CCND3: variants seen among roughly 807,000 people sequenced by gnomAD.
The protein encoded by CCND3 is G1/S-specific cyclin-D3.
Under a neutral mutation model 28.7 loss-of-function variants are expected in CCND3, and 9 were observed. The ratio of observed to expected loss-of-function variants is 0.31; its 90% confidence interval spans 0.19 to 0.55. CCND3 has a LOEUF of 0.55. Ranked by LOEUF, CCND3 falls within the 20% of genes least tolerant of loss-of-function variation. The pLI is 0.93. For synonymous variants in CCND3, 164 were observed against 163.9 expected, an observed-to-expected ratio of 1.00 and a Z score of 0.00; for missense variants, 315 against 385.8, an observed-to-expected ratio of 0.82 and a Z score of 1.54.
chr6:41,992,167 A>G (rs538438922), intron 1 of CCND3, among the ~76,000 whole-genome samples: 102 of 151,928 alleles, frequency 6.7e-4, no homozygotes, highest in Admixed American at 1.4e-3. Flanking sequence ...TGTTTTATTT[A>G]TTTTTTAATT....
At chr6:42,023,137 C>G (rs569738303) in intron 1 of CCND3, among the ~76,000 whole-genome samples, 1 of 152,312 alleles carries the variant, frequency 6.6e-6, no homozygotes, top group South Asian at 2.1e-4. Context: ...CATGCATGTT[C>G]CTGGCTGAGG....
chr6:41,999,110 G>A (rs1285042262), intron 1 of CCND3, among the ~76,000 whole-genome samples: 1 of 152,174 alleles, frequency 6.6e-6, no homozygotes. Context: ...GCTAGAAGTG[G>A]CCAACGTAGG....
intron 1 of CCND3, among the ~76,000 whole-genome samples, chr6:41,968,391 GA>G (rs1227608515): frequency 6.6e-6 from 1 of 152,040 alleles, no homozygotes; most frequent in African/African-American, 2.4e-5. Context: ...TAATTCTATG[GA>G]AAATATTACA....
At chr6:42,005,050 C>T (rs189182191) in intron 1 of CCND3, among the ~76,000 whole-genome samples, 160 of 152,136 alleles carry the variant, frequency 1.1e-3, no homozygotes, top group Non-Finnish European at 1.8e-3. Context: ...ACTCAGTCAG[C>T]GAGGTTAGTA....
rs1561948875 is a variant in CCND3, at chr6:41,936,037, G to A, written c.782C>T (p.Thr261Ile). ...LRESLREASQ[T>I]SSSPAPKAPR... ...GGCTTTGGGCGCTGGGCTGGAGCTG[G>A]TCTGAGAGGCTTCCCTGAGGCTCTC... The change falls in exon 5 of 5, where the codon ACC (threonine) becomes ATC (isoleucine). Residue 261 changes from threonine (T) to isoleucine (I), a missense_variant. Thr to Ile is a moderately conservative substitution (Grantham distance 89). Coordinates refer to ENST00000372991, the MANE Select transcript of CCND3 (RefSeq NM_001760.5). The surrounding 1 kb of genome is among the most constrained non-coding windows in gnomAD (Gnocchi z 4.4). 1 of 1,613,448 alleles carries A rather than the reference G, an allele frequency of 6.2e-7. No individual in the cohort carries two copies. Among genetic ancestry groups the A allele is most frequent in the Admixed American group, 1.7e-5 (1 of 59,960 alleles).
At chr6:41,947,229 A>AAAAAG (rs1172293136) in intron 1 of CCND3, among the ~76,000 whole-genome samples, 38 of 152,164 alleles carry the variant, frequency 2.5e-4, no homozygotes, top group Admixed American at 1.3e-3. Flanking sequence ...TCAAAAAAAA[A>AAAAAG]AAAAGAAAAG....
chr6:41,941,142 G>A lies in CCND3; in HGVS notation c.198+310C>T, dbSNP rs1776000113. 1.4e-6 allele frequency: 2 copies of A among 1,473,916 alleles called. No homozygotes were observed. The highest frequency in any genetic ancestry group is 2.4e-4 in the Middle Eastern group (1 of 4,134). 91.3% of individuals were successfully genotyped at this position (1,473,916 alleles called of 1,614,324 possible). A position where few individuals can be genotyped will look rare whatever the true frequency, so the allele number is the denominator to read the frequency against. ...CGCGCTCTCCGGAGAAGGCCGGGAG[G>A]CGGAGGGAAGCGGGAGACGCTGTGA... is the stretch of plus-strand genomic sequence containing the variant. On this transcript the variant is annotated intron_variant, in intron 1 of 4. Coordinates refer to ENST00000372991, the MANE Select transcript of CCND3 (RefSeq NM_001760.5). The surrounding 1 kb of genome is among the most constrained non-coding windows in gnomAD (Gnocchi z 6.1).
intron 1 of CCND3, among the ~76,000 whole-genome samples, chr6:42,033,229 A>G (rs1764094298): frequency 6.6e-6 from 1 of 151,988 alleles, no homozygotes; most frequent in Non-Finnish European, 1.5e-5. Context: ...AGGCAGGTGG[A>G]TCACCTGAGG....
chr6:42,034,639 G>A (rs972523044), intron 1 of CCND3, among the ~76,000 whole-genome samples: 4 of 151,552 alleles, frequency 2.6e-5, no homozygotes, highest in African/African-American at 7.3e-5. Flanking sequence ...CACCATGCCC[G>A]GTTATCTGTG....
chr6:41,940,625 G>T (rs1437044432), intron 1 of CCND3, 40 bp from the exon 2 acceptor site: 1 of 1,471,504 alleles, frequency 6.8e-7, no homozygotes, highest in Non-Finnish European at 9.5e-7. Flanking sequence ...TCTGGAGCGT[G>T]GGGAACACAG....
chr6:41,987,505 CTCTCTCTCTCTCTG>C (rs1373913518), intron 1 of CCND3, among the ~76,000 whole-genome samples: 1,910 of 94,790 alleles, frequency 0.02, 22 homozygotes, highest in South Asian at 0.046. Context: ...CTCTCTCTCT[CTCTCTCTCTCTCTG>C]TGTGTGTGTG....
At chr6:41,987,513 C>CTG (rs1406198911) in intron 1 of CCND3, among the ~76,000 whole-genome samples, 25 of 41,918 alleles carry the variant, frequency 6.0e-4, no homozygotes, top group African/African-American at 4.2e-3. Context: ...CTCTCTCTCT[C>CTG]TCTCTGTGTG....
intron 1 of CCND3, among the ~76,000 whole-genome samples, chr6:42,012,463 T>C (rs4714547): frequency 0.51 from 77,880 of 151,540 alleles, 19,988 homozygotes; most frequent in Middle Eastern, 0.55. Context: ...ATTAGCCAGG[T>C]GTGATGGTAT....
At chr6:41,981,063 G>A (rs1762331831) in intron 1 of CCND3, among the ~76,000 whole-genome samples, 1 of 151,948 alleles carries the variant, frequency 6.6e-6, no homozygotes, top group African/African-American at 2.4e-5. Context: ...AGCATAAGAT[G>A]GGGAGGGAAG....
upstream of CCND3, chr6:41,941,940 A>C (rs1037068774): frequency 5.7e-6 from 1 of 175,328 alleles, no homozygotes; most frequent in Non-Finnish European, 1.2e-5. The surrounding 1 kb of genome is among the most constrained non-coding windows in gnomAD (Gnocchi z 6.1). Flanking sequence ...CCGCGGCCCC[A>C]TTGGGCCGCT....
At chr6:41,995,541 C>T (rs1445241531) in intron 1 of CCND3, among the ~76,000 whole-genome samples, 1 of 152,100 alleles carries the variant, frequency 6.6e-6, no homozygotes, top group Non-Finnish European at 1.5e-5. Flanking sequence ...CAGGCGTGAG[C>T]CACTGCACAT....
chr6:42,044,892 G>A (rs1031358138), intron 1 of CCND3, among the ~76,000 whole-genome samples: 18 of 150,868 alleles, frequency 1.2e-4, no homozygotes, highest in African/African-American at 4.1e-4. Context: ...GGGTTCAAGT[G>A]ATTCTCCCAC....
chr6:42,046,183 G>C (rs1249214824), intron 1 of CCND3, among the ~76,000 whole-genome samples: 2 of 152,180 alleles, frequency 1.3e-5, no homozygotes, highest in Non-Finnish European at 2.9e-5. Context: ...AAACCTGTGG[G>C]GAGGGCCCTT....
chr6:41,968,040 T>C (rs1195488049), intron 1 of CCND3, among the ~76,000 whole-genome samples: 1 of 152,230 alleles, frequency 6.6e-6, no homozygotes, highest in Non-Finnish European at 1.5e-5. Context: ...ACCATCTTCA[T>C]TCCAACTAAA....
Sources: gnomAD v4.1 joint callset for allele counts (sites outside exome capture counted in the v4.1 genomes callset) on GRCh38, gnomAD v4.1.1 for gene constraint, Gnocchi (gnomAD v3.1) non-coding constraint, MANE v1.5 for transcripts, NCBI Gene and HGNC (gene_info 2026-07-23, HGNC 2026-07-21) for gene names.